The following BCL2L13 variants were observed in gnomAD, a reference collection of about 807,000 sequenced individuals.
The protein encoded by BCL2L13 is bcl-2-like protein 13.
Under a neutral mutation model 25.8 loss-of-function variants are expected in BCL2L13, and 13 were observed. The ratio of observed to expected loss-of-function variants is 0.50; its 90% CI spans 0.33 to 0.80. The LOEUF is 0.80. BCL2L13 is among the 30% of genes least tolerant of loss of function. The probability of loss-of-function intolerance (pLI) is 0.02; values close to 1 mark genes in which losing one functional copy is unlikely to be tolerated. For synonymous variants in BCL2L13, 244 were observed against 230.3 expected (o/e 1.06, Z -0.54); for missense variants, 504 against 574.9 (o/e 0.88, Z 1.26).
At chr22:17,633,502 G>A (rs909893657) in intron 1 of BCL2L13, among the ~76,000 whole-genome samples, 3 of 152,104 alleles carry the variant, frequency 2.0e-5, no homozygotes, top group Non-Finnish European at 2.9e-5. Flanking sequence ...AAGCCTATTT[G>A]TGGCTTCACC....
At chr22:17,682,951 G>C (rs2059799039) in intron 2 of BCL2L13, among the ~76,000 whole-genome samples, 1 of 152,110 alleles carries the variant, frequency 6.6e-6, no homozygotes, top group East Asian at 1.9e-4. Context: ...GGCCAACATA[G>C]TGAAACCTGT....
chr22:17,711,651 G>T (rs933580109), intron 6 of BCL2L13, among the ~76,000 whole-genome samples: 8 of 152,244 alleles, frequency 5.3e-5, no homozygotes, highest in Non-Finnish European at 5.9e-5. Flanking sequence ...AGCCCTAAAG[G>T]TCTGTTTACT....
At chr22:17,651,713 C>T (rs1350487949) in intron 1 of BCL2L13, among the ~76,000 whole-genome samples, 1 of 151,276 alleles carries the variant, frequency 6.6e-6, no homozygotes, top group Non-Finnish European at 1.5e-5. Context: ...TTTTTTGAGA[C>T]GGAGTCTCAC....
At chr22:17,674,929 A>G (rs1054759600) in intron 2 of BCL2L13, among the ~76,000 whole-genome samples, 4 of 152,170 alleles carry the variant, frequency 2.6e-5, no homozygotes, top group Non-Finnish European at 4.4e-5. Context: ...TAAAAAAATC[A>G]GGAGTAGGAA....
chr22:17,634,727 G>C (rs1166112544), upstream of BCL2L13, among the ~76,000 whole-genome samples: 1 of 152,008 alleles, frequency 6.6e-6, no homozygotes, highest in Non-Finnish European at 1.5e-5. Flanking sequence ...CGGATCACTT[G>C]AGCCCAGGAG....
At chr22:17,662,724 T>C (rs1254351092) in intron 2 of BCL2L13, among the ~76,000 whole-genome samples, 1 of 151,670 alleles carries the variant, frequency 6.6e-6, no homozygotes, top group African/African-American at 2.4e-5. Flanking sequence ...GAGGCTGAGG[T>C]GGAAGGATTA....
intron 6 of BCL2L13, among the ~76,000 whole-genome samples, chr22:17,725,211 C>G (rs2061262916): frequency 6.6e-6 from 1 of 152,210 alleles, no homozygotes; most frequent in Admixed American, 6.5e-5. Context: ...TAATTTTGTA[C>G]CTCAGAGATG....
intron 6 of BCL2L13, among the ~76,000 whole-genome samples, chr22:17,718,204 C>T (rs886532385): frequency 1.3e-5 from 2 of 151,308 alleles, no homozygotes; most frequent in Non-Finnish European, 2.9e-5. Flanking sequence ...TAGAGTAATA[C>T]CAGAAAATGT....
Position 17,727,330 on chromosome 22 carries a change from A to G in BCL2L13, c.1254A>G (p.Glu418=). The change falls in exon 7 of 7, where the codon GAA becomes GAG. Residue 418 remains glutamate, a synonymous_variant. Transcript: ENST00000317582. The stretch of plus-strand genomic sequence containing the variant: ...GTGAGAAGGAGATAAACGCAAGGGA[A>G]GAGAGCCTTGTGGAAGAGCTGTCCC... ...LLSEKEINAR[E]ESLVEELSPA... is the part of the protein sequence containing the mutation. 3 of 1,614,278 alleles carry G rather than the reference A, an allele frequency of 1.9e-6. No homozygotes were observed. The highest frequency in any genetic ancestry group is 2.5e-6 in the Non-Finnish European group (3 of 1,180,046).
At chr22:17,696,289 C>T in intron 5 of BCL2L13, 79 bp downstream of exon 5, 1 of 1,140,430 alleles carries the variant, frequency 8.8e-7, no homozygotes, top group South Asian at 1.3e-5. Flanking sequence ...CTAGCATCAT[C>T]AGCAGAAAAC....
At chr22:17,703,335 A>G (rs1451433386) in intron 6 of BCL2L13, 3 of 152,092 alleles carry the variant, frequency 2.0e-5, no homozygotes, top group Non-Finnish European at 4.4e-5. Context: ...GTCATTTCCA[A>G]TTATTTTGTC....
Position 17,693,380 on chromosome 22 carries a change from T to TAGTG in BCL2L13, c.387-2761_387-2760insAGTG, listed in dbSNP as rs993025922. On this transcript the variant is annotated intron_variant, in intron 4 of 6. Coordinates refer to ENST00000317582, the MANE Select transcript of BCL2L13 (RefSeq NM_015367.4). ...TTATTTATTTAGTGTTTGTTTTTTTTTTTTTTTTTTTTTTTTGGAGACGGA... is the reference window on the plus strand; with the variant it reads ...TTATTTATTTAGTGTTTGTTTTTTTTAGTGTTTTTTTTTTTTTTTTGGAGACGGA... Among the ~76,000 whole-genome samples the TAGTG allele has an allele frequency of 1.3e-3, 145 of 109,830 alleles. 1 individual carries two copies. Among genetic ancestry groups the TAGTG allele is most frequent in the Non-Finnish European group, 2.1e-3 (109 of 52,698 alleles). 72.1% of individuals were successfully genotyped at this position (109,830 alleles called of 152,430 possible).
chr22:17,682,276 T>G (rs2059778915), intron 2 of BCL2L13, among the ~76,000 whole-genome samples: 1 of 152,256 alleles, frequency 6.6e-6, no homozygotes, highest in African/African-American at 2.4e-5. Flanking sequence ...GAAATCGTTA[T>G]GCCCACAGTG....
chr22:17,652,350 C>A (rs970052427), intron 1 of BCL2L13, among the ~76,000 whole-genome samples: 13 of 152,114 alleles, frequency 8.5e-5, no homozygotes, highest in Non-Finnish European at 1.9e-4. Flanking sequence ...ACATTAAGCA[C>A]ATTTAAGTGT....
intron 1 of BCL2L13, among the ~76,000 whole-genome samples, chr22:17,652,462 G>A (rs922160410): frequency 4.6e-5 from 7 of 152,020 alleles, no homozygotes; most frequent in African/African-American, 9.7e-5. Flanking sequence ...TTTTGAGACT[G>A]AGTCTTGTTC....
intron 2 of BCL2L13, among the ~76,000 whole-genome samples, chr22:17,682,924 G>T (rs2059798052): frequency 6.6e-6 from 1 of 152,120 alleles, no homozygotes; most frequent in African/African-American, 2.4e-5. Context: ...ACAAGGTCAG[G>T]AGTTCGAGAC....
chr22:17,644,968 C>A (rs2058423168), intron 1 of BCL2L13, among the ~76,000 whole-genome samples: 1 of 150,380 alleles, frequency 6.6e-6, no homozygotes, highest in Admixed American at 6.6e-5. Flanking sequence ...CGCCACCATG[C>A]CTGGCTAATT....
chr22:17,643,732 A>ATTCTCCTCTCTCAGCCCCCT (rs2058371823), intron 1 of BCL2L13, among the ~76,000 whole-genome samples: 7 of 139,146 alleles, frequency 5.0e-5, no homozygotes, highest in Non-Finnish European at 3.1e-5. Flanking sequence ...GGTTCATGCC[A>ATTCTCCTCTCTCAGCCCCCT]GGAGGTGTGT....
At chr22:17,651,916 TC>T (rs2058703143) in intron 1 of BCL2L13, among the ~76,000 whole-genome samples, 1 of 152,030 alleles carries the variant, frequency 6.6e-6, no homozygotes, top group African/African-American at 2.4e-5. Flanking sequence ...GGTCTGGATT[TC>T]CTGATTGCGT....
Sources: gnomAD v4.1 joint callset for allele counts (sites outside exome capture counted in the v4.1 genomes callset) on GRCh38, gnomAD v4.1.1 for gene constraint, MANE v1.5 for transcripts, NCBI Gene and HGNC (gene_info 2026-07-23, HGNC 2026-07-21) for gene names.